BNIP2: variants seen among roughly 807,000 people sequenced by gnomAD.
BNIP2 encodes BCL2 interacting protein 2.
A neutral mutation model predicts 43.4 loss-of-function variants in BNIP2; 36 were observed. That is an observed-to-expected ratio of 0.83 (90% CI 0.64 to 1.10). The LOEUF is 1.10. BNIP2 is among the 50% of genes least tolerant of loss of function. The pLI is 0.00. For synonymous variants in BNIP2, 146 were observed against 121.0 expected, an observed-to-expected ratio of 1.21 and a Z score of -1.35; for missense variants, 417 against 374.1, an observed-to-expected ratio of 1.11 and a Z score of -0.95.
chr15:59,665,647 A>T (rs1892527610), intron 9 of BNIP2, among the ~76,000 whole-genome samples: 1 of 152,134 alleles, frequency 6.6e-6, no homozygotes, highest in Non-Finnish European at 1.5e-5. Flanking sequence ...AAGCTTATTT[A>T]TTTAGTGGTG....
At chr15:59,668,021 A>C (rs922944554) in intron 9 of BNIP2, 16 of 976,868 alleles carry the variant, frequency 1.6e-5, no homozygotes, top group Non-Finnish European at 2.2e-5. Context: ...TTTGTCTACA[A>C]GCTAACCAAC....
chr15:59,688,196 A>G (rs1211539732), intron 1 of BNIP2, among the ~76,000 whole-genome samples: 2 of 152,252 alleles, frequency 1.3e-5, no homozygotes, highest in East Asian at 3.8e-4. Context: ...GAATATGTGC[A>G]AAATGATCAA....
At chr15:59,679,416 G>GA (rs1460412655) in intron 4 of BNIP2, 176 bp downstream of exon 4, 3 of 578,020 alleles carry the variant, frequency 5.2e-6, no homozygotes, top group Non-Finnish European at 5.4e-6. Context: ...AATAAGAGGG[G>GA]AAAAAAGCCA....
intron 2 of BNIP2, among the ~76,000 whole-genome samples, chr15:59,680,882 G>A (rs1871502): frequency 6.6e-6 from 1 of 152,226 alleles, no homozygotes; most frequent in African/African-American, 2.4e-5. Flanking sequence ...TAGGCGTGAC[G>A]TGCTATGCCT....
chr15:59,660,968 G>A lies in BNIP2; in HGVS notation c.*3101C>T, dbSNP rs1397576283. ...TCCACAGTCTTTATTCACATACCTT[G>A]CGTATAGCCTGCAGGTTTTCCTGCT... On this transcript the variant is annotated 3_prime_UTR_variant, in exon 10 of 10. Transcript: ENST00000607373. The A allele has an allele frequency of 1.3e-5, 2 of 152,062 alleles. No individual in the cohort carries two copies. The highest frequency in any genetic ancestry group is 2.4e-5 in the African/African-American group (1 of 41,394). 9.4% of individuals were successfully genotyped at this position (152,062 alleles called of 1,614,324 possible). A position where few individuals can be genotyped will look rare whatever the true frequency, so the allele number is the denominator to read the frequency against.
rs1440106214 is a variant in BNIP2, at chr15:59,661,273, T to C, written c.*2796A>G. The C allele has an allele frequency of 1.5e-5, 2 of 135,514 alleles. No homozygotes were observed. Among genetic ancestry groups the C allele is most frequent in the African/African-American group, 2.9e-5 (1 of 35,032 alleles). The allele number at this position is 135,514 out of a possible 1,614,324, so 8.4% of individuals were successfully genotyped here. ...TGAACCCGGGAGGCAGAGGTTGCAG[T>C]GAGCCAGGATTGCGCCACTGCACTC... On this transcript the variant is annotated 3_prime_UTR_variant, in exon 10 of 10. Coordinates refer to ENST00000607373, the MANE Select transcript of BNIP2 (RefSeq NM_004330.4).
At chr15:59,683,579 G>A (rs1893831497) in intron 1 of BNIP2, among the ~76,000 whole-genome samples, 2 of 152,232 alleles carry the variant, frequency 1.3e-5, no homozygotes, top group African/African-American at 4.8e-5. Context: ...CACTTTGGGA[G>A]GCCGAGGTGG....
intron 4 of BNIP2, 52 bp from the exon 5 acceptor site, chr15:59,678,139 A>C: frequency 6.5e-7 from 1 of 1,540,264 alleles, no homozygotes; most frequent in Middle Eastern, 1.7e-4. Context: ...ACAAAAATCA[A>C]ATTATACGTT....
intron 1 of BNIP2, 196 bp downstream of exon 1, chr15:59,688,939 G>A (rs1411231557): frequency 1.1e-4 from 155 of 1,450,624 alleles, no homozygotes; most frequent in Middle Eastern, 5.0e-4. Flanking sequence ...CCCAAGCCAA[G>A]GGCGGGGACC....
Position 59,671,222 on chromosome 15 carries a change from A to T in BNIP2, c.668T>A (p.Leu223Gln). 1 of 1,602,700 alleles carries T rather than the reference A, an allele frequency of 6.2e-7. No homozygotes were observed. The highest frequency in any genetic ancestry group is 8.5e-7 in the Non-Finnish European group (1 of 1,173,822). ...GATTRRKMPS[L>Q]GWLRKCYQQI... ...CTGATAACATTTCCTGAGCCATCCCAGACTGGGCATTTTTCTTCGAGTTGT... is the reference window on the plus strand; with the variant it reads ...CTGATAACATTTCCTGAGCCATCCCTGACTGGGCATTTTTCTTCGAGTTGT... Residue 223 changes from leucine (L) to glutamine (Q), a missense_variant, in exon 7 of 10, where the codon CTG becomes CAG. By Grantham distance (113) the Leu-to-Gln change is moderately radical (BLOSUM62 -2). Coordinates refer to ENST00000607373, the MANE Select transcript of BNIP2 (RefSeq NM_004330.4).
rs1165167732 is a variant in BNIP2, at chr15:59,662,114, A to G, written c.*1955T>C. 6 of 152,246 alleles carry G rather than the reference A, an allele frequency of 3.9e-5. No individual in the cohort carries two copies. The highest frequency in any genetic ancestry group is 1.4e-4 in the African/African-American group (6 of 41,464). 9.4% of individuals were successfully genotyped at this position (152,246 alleles called of 1,614,324 possible). ...TCAAAATAATGCAAAAAAGAGTTGA[A>G]GTTATTCTTCATATTTTTTAAACTG... On this transcript the variant is annotated 3_prime_UTR_variant, in exon 10 of 10. Transcript: ENST00000607373.
At chr15:59,674,296 A>T (rs1893130056) in intron 5 of BNIP2, among the ~76,000 whole-genome samples, 1 of 152,166 alleles carries the variant, frequency 6.6e-6, no homozygotes, top group Admixed American at 6.5e-5. Context: ...ACATTTCAAG[A>T]ACATCAGAAT....
At chr15:59,669,447 T>C (rs2307273) in intron 7 of BNIP2, 85 bp from the exon 8 acceptor site, 561,777 of 971,454 alleles carry the variant, frequency 0.58, 168,278 homozygotes, top group Middle Eastern at 0.63. Flanking sequence ...TACAAAATAA[T>C]AGTTGAAAAA....
Position 59,663,929 on chromosome 15 carries a change from AC to A in BNIP2, c.*139del, listed in dbSNP as rs2060384453. 1 of 659,386 alleles carries A rather than the reference AC, an allele frequency of 1.5e-6. No individual in the cohort carries two copies. The highest frequency in any genetic ancestry group is 2.4e-6 in the Non-Finnish European group (1 of 408,446). The allele number at this position is 659,386 out of a possible 1,614,324, so 40.8% of individuals were successfully genotyped here. A position where few individuals can be genotyped will look rare whatever the true frequency, so the allele number is the denominator to read the frequency against. On this transcript the variant is annotated 3_prime_UTR_variant, in exon 10 of 10. Transcript: ENST00000607373. Reference sequence around the variant, plus strand: ...AGCAGTGAACAGTCCCTTGTATAATACAAAAGTCCATTATGAAAAAGTCAAG... The same window carrying A: ...AGCAGTGAACAGTCCCTTGTATAATAAAAAGTCCATTATGAAAAAGTCAAG...
At chr15:59,668,236 G>A (rs745546197) in intron 9 of BNIP2, 8 of 694,368 alleles carry the variant, frequency 1.2e-5, no homozygotes, top group African/African-American at 7.7e-5. Context: ...AAATTTTCCA[G>A]CAAAACCAAA....
rs547102635 is a variant in BNIP2 at position 59,683,592 on chromosome 15, G to T, written c.-57-1078C>A. ...AGCACTTTGGGAGGCCGAGGTGGGC[G>T]GATCACTTGAGGTCAGGAGTTCAAA... is the stretch of plus-strand genomic sequence containing the variant. On this transcript the variant is annotated intron_variant, in intron 1 of 9. Transcript: ENST00000607373. 3.0e-3 allele frequency among the ~76,000 whole-genome samples: 453 copies of T among 152,284 alleles called. 2 individuals are homozygous for T. The highest frequency in any genetic ancestry group is 0.01 in the African/African-American group (429 of 41,560).
chr15:59,679,131 A>C (rs1452272839), intron 4 of BNIP2: 1 of 176,678 alleles, frequency 5.7e-6, no homozygotes, highest in Non-Finnish European at 1.2e-5. Flanking sequence ...GTAAAACAGC[A>C]CAATTCCTTT....
Sources: allele counts gnomAD v4.1 joint callset (sites outside exome capture counted in the v4.1 genomes callset), GRCh38; gene constraint gnomAD v4.1.1; transcripts MANE v1.5; gene names NCBI Gene and HGNC (gene_info 2026-07-23, HGNC 2026-07-21).